The following WARS1 variants were observed in gnomAD, a reference collection of about 807,000 sequenced individuals.
WARS1 encodes the protein tryptophanyl-tRNA synthetase 1.
In WARS1, 17 loss-of-function variants were observed where a neutral mutation model predicts 47.8. The ratio of observed to expected loss-of-function variants is 0.36; its 90% CI spans 0.24 to 0.53. The LOEUF (loss-of-function observed/expected upper bound fraction) is 0.53, where lower values mean the gene tolerates loss of function less well. Ranked by LOEUF, WARS1 falls within the 20% of genes least tolerant of loss-of-function variation. The probability of loss-of-function intolerance (pLI) is 0.91; values close to 1 mark genes in which losing one functional copy is unlikely to be tolerated. For synonymous variants in WARS1, 208 were observed against 228.1 expected, an observed-to-expected ratio of 0.91 and a Z score of 0.79; for missense variants, 434 against 608.0, an observed-to-expected ratio of 0.71 and a Z score of 3.01.
At chr14:100,361,555 AC>A (rs1361891179) in intron 3 of WARS1, 152 bp downstream of exon 3, 33 of 672,340 alleles carry the variant, frequency 4.9e-5, no homozygotes, top group Non-Finnish European at 7.6e-5. Flanking sequence ...AATATAATGC[AC>A]AACCAAAAGA....
In WARS1 at chr14:100,369,193, A is replaced by G; in HGVS notation, c.-8T>C. 2 of 1,390,074 alleles carry G rather than the reference A, an allele frequency of 1.4e-6. No homozygotes were observed. The highest frequency in any genetic ancestry group is 1.9e-6 in the Non-Finnish European group (2 of 1,042,002). 86.1% of individuals were successfully genotyped at this position (1,390,074 alleles called of 1,614,324 possible). A position where few individuals can be genotyped will look rare whatever the true frequency, so the allele number is the denominator to read the frequency against. On this transcript the variant is annotated 5_prime_UTR_variant, in exon 2 of 11. Transcript: ENST00000392882. ...GGGCTCACTGTTGGGCATGTTTGCT[A>G]TCTCTCAGGAACTACGTTCACAGCC... is the stretch of plus-strand genomic sequence containing the variant.
rs934811194 is a variant in WARS1, at chr14:100,336,014, A to C, written c.1255-978T>G. Among the ~76,000 whole-genome samples the C allele has an allele frequency of 2.0e-5, 3 of 151,878 alleles. No homozygotes were observed. In the Middle Eastern group the frequency reaches 0.01, roughly 520 times the overall value. On this transcript the variant is annotated intron_variant, in intron 10 of 10. Coordinates refer to ENST00000392882, the MANE Select transcript of WARS1 (RefSeq NM_004184.4). ...GGTCTTGGCTGGACGCGGTGGTCAC[A>C]GCTGTAATCCAAGCACTTTGGGAGG...
At chr14:100,363,382 G>A (rs143362268) in intron 2 of WARS1, among the ~76,000 whole-genome samples, 1 of 152,080 alleles carries the variant, frequency 6.6e-6, no homozygotes. Context: ...GTCTGAACCA[G>A]GACACTGAAA....
intron 2 of WARS1, among the ~76,000 whole-genome samples, chr14:100,363,641 G>A (rs547359791): frequency 4.2e-4 from 64 of 152,250 alleles, no homozygotes; most frequent in Non-Finnish European, 5.0e-4. Context: ...AGGTTGCAGT[G>A]AGCCGAGATT....
chr14:100,367,603 G>A (rs1896078339), intron 2 of WARS1, among the ~76,000 whole-genome samples: 2 of 124,134 alleles, frequency 1.6e-5, no homozygotes, highest in Non-Finnish European at 3.3e-5. Context: ...GCGGGGGTGG[G>A]GTGGCAAAAA....
At chr14:100,339,041 G>C (rs1893941808) in intron 9 of WARS1, among the ~76,000 whole-genome samples, 1 of 151,890 alleles carries the variant, frequency 6.6e-6, no homozygotes, top group Non-Finnish European at 1.5e-5. Flanking sequence ...GGGAGGCGGA[G>C]GTTGTGGTGA....
chr14:100,358,219 G>A (rs8009765), intron 4 of WARS1, among the ~76,000 whole-genome samples: 103,660 of 151,586 alleles, frequency 0.68, 36,622 homozygotes, highest in Admixed American at 0.81. Context: ...TGCAAGCTCC[G>A]CCTCCCGGGT....
chr14:100,372,865 G>GCTGCCTGCCTGC (rs1000471700), intron 1 of WARS1, among the ~76,000 whole-genome samples: 15 of 152,056 alleles, frequency 9.9e-5, no homozygotes, highest in Non-Finnish European at 1.5e-4. Flanking sequence ...GCTGCTCCCT[G>GCTGCCTGCCTGC]CTGCCTGCCT....
intron 2 of WARS1, 48 bp downstream of exon 2, chr14:100,369,039 C>A: frequency 7.1e-7 from 1 of 1,410,890 alleles, no homozygotes; most frequent in South Asian, 1.5e-5. Flanking sequence ...ACCCTACAGA[C>A]TTGGGAGGCT....
At position 100,334,739 on chromosome 14, in the gene WARS1, TAC is replaced by T. The variant is rs998599678; in HGVS notation, c.*134_*135del. 88 of 945,790 alleles carry T rather than the reference TAC, an allele frequency of 9.3e-5. No individual in the cohort carries two copies. The African/African-American group carries it at 1.3e-3, about 14-fold the overall frequency. 58.6% of individuals were successfully genotyped at this position (945,790 alleles called of 1,614,324 possible). ...ACAGGAAGAAACAGTATTGATAACA[TAC>T]ACAGGCTTACAGAGGCCAGGCCCAG... is the stretch of plus-strand genomic sequence containing the variant. On this transcript the variant is annotated 3_prime_UTR_variant, in exon 11 of 11. Transcript: ENST00000392882.
chr14:100,360,167 A>AGGAG (rs530105546), intron 4 of WARS1, among the ~76,000 whole-genome samples: 180 of 152,356 alleles, frequency 1.2e-3, no homozygotes, highest in African/African-American at 4.2e-3. Context: ...TCAATACAAT[A>AGGAG]GGAGGAAGAG....
intron 4 of WARS1, among the ~76,000 whole-genome samples, chr14:100,356,188 A>G (rs1895301072): frequency 2.0e-5 from 3 of 152,188 alleles, no homozygotes; most frequent in Admixed American, 2.0e-4. Flanking sequence ...AAAATTAGAC[A>G]GAGGGGCAGT....
intron 6 of WARS1, among the ~76,000 whole-genome samples, chr14:100,348,411 G>T (rs182562562): frequency 5.5e-4 from 84 of 152,248 alleles, no homozygotes; most frequent in African/African-American, 2.0e-3. Flanking sequence ...TGTGTCTTTC[G>T]CCTAGCAGCC....
intron 2 of WARS1, among the ~76,000 whole-genome samples, chr14:100,363,699 C>CA (rs1895787693): frequency 6.6e-6 from 1 of 152,118 alleles, no homozygotes; most frequent in African/African-American, 2.4e-5. Context: ...CCCCACCCCA[C>CA]AAAAAACCCA....
intron 2 of WARS1, among the ~76,000 whole-genome samples, chr14:100,362,644 G>A (rs1213287608): frequency 6.6e-6 from 1 of 152,170 alleles, no homozygotes; most frequent in African/African-American, 2.4e-5. Flanking sequence ...GTTTAGAAAA[G>A]CAGGCCTAAT....
At position 100,353,907 on chromosome 14, in the gene WARS1, TC is replaced by T. The variant is rs773843951; in HGVS notation, c.543-39del. 23 of 1,584,816 alleles carry T rather than the reference TC, an allele frequency of 1.5e-5. No homozygotes were observed. In the Admixed American group the frequency reaches 4.0e-4, roughly 28 times the overall value. On this transcript the variant is annotated intron_variant, in intron 5 of 10. Coordinates refer to ENST00000392882, the MANE Select transcript of WARS1 (RefSeq NM_004184.4). Reference sequence around the variant, plus strand: ...AGGGGGAGAAAGCTGACGTCTCATCTCCCCTGTGGAGGAACGCCATCGTGCA... The same window carrying T: ...AGGGGGAGAAAGCTGACGTCTCATCTCCCTGTGGAGGAACGCCATCGTGCA...
At chr14:100,346,535 AC>A (rs936665232) in intron 7 of WARS1, among the ~76,000 whole-genome samples, 16 of 152,202 alleles carry the variant, frequency 1.1e-4, no homozygotes, top group South Asian at 4.1e-4. Flanking sequence ...GTGCAGCTTC[AC>A]CCAACCCAGA....
At chr14:100,346,033 G>T (rs559042117) in intron 7 of WARS1, among the ~76,000 whole-genome samples, 1 of 152,374 alleles carries the variant, frequency 6.6e-6, no homozygotes, top group Non-Finnish European at 1.5e-5. Flanking sequence ...CTGACTGAAG[G>T]CCTCAAGGGC....
At chr14:100,344,812 G>A (rs916158869) in intron 7 of WARS1, among the ~76,000 whole-genome samples, 2 of 150,742 alleles carry the variant, frequency 1.3e-5, no homozygotes, top group African/African-American at 2.4e-5. Context: ...CTGCCCGGCC[G>A]CCCTGTCTGA....
Sources: allele counts gnomAD v4.1 joint callset (sites outside exome capture counted in the v4.1 genomes callset), GRCh38; gene constraint gnomAD v4.1.1; transcripts MANE v1.5; gene names NCBI Gene and HGNC (gene_info 2026-07-23, HGNC 2026-07-21).